The following TDRD1 variants were observed in gnomAD, a reference collection of about 807,000 sequenced individuals.
TDRD1 encodes tudor domain-containing protein 1.
Under a neutral mutation model 140.6 loss-of-function variants are expected in TDRD1, and 37 were observed. The observed-to-expected ratio is 0.26, with a 90% CI of 0.20 to 0.35. The LOEUF (loss-of-function observed/expected upper bound fraction) is 0.35, where lower values mean the gene tolerates loss of function less well. TDRD1 is among the 10% of genes least tolerant of loss of function. The pLI is 1.00. For synonymous variants in TDRD1, 506 were observed against 475.7 expected, an observed-to-expected ratio of 1.06 and a Z score of -0.83; for missense variants, 1,243 against 1,393.0, an observed-to-expected ratio of 0.89 and a Z score of 1.71.
At chr10:114,201,919 G>T (rs936517092) in intron 5 of TDRD1, among the ~76,000 whole-genome samples, 2 of 152,182 alleles carry the variant, frequency 1.3e-5, no homozygotes, top group Non-Finnish European at 2.9e-5. Context: ...TCAAAATTCT[G>T]TGTAAGTAAT....
At chr10:114,207,750 G>A (rs936264745) in intron 11 of TDRD1, among the ~76,000 whole-genome samples, 1 of 152,068 alleles carries the variant, frequency 6.6e-6, no homozygotes, top group Non-Finnish European at 1.5e-5. Context: ...CAGAGCAACA[G>A]AGGGTACATG....
chr10:114,210,491 A>G, intron 11 of TDRD1, 90 bp from the exon 12 acceptor site: 1 of 1,305,218 alleles, frequency 7.7e-7, no homozygotes. Flanking sequence ...TCATAGTCAT[A>G]TTCGTTTTAA....
chr10:114,204,279 G>A (rs779019494), intron 9 of TDRD1, 63 bp downstream of exon 9: 24 of 1,498,644 alleles, frequency 1.6e-5, no homozygotes, highest in African/African-American at 5.7e-5. Flanking sequence ...TCAATGTTTT[G>A]ATGGGCACAG....
At chr10:114,225,963 A>G in intron 21 of TDRD1, 86 bp from the exon 22 acceptor site, 1 of 1,137,272 alleles carries the variant, frequency 8.8e-7, no homozygotes, top group African/African-American at 1.5e-5. Context: ...TTTTTAAGTG[A>G]TGTAAATATA....
upstream of TDRD1, among the ~76,000 whole-genome samples, chr10:114,175,927 C>T (rs2032685222): frequency 6.6e-6 from 1 of 152,120 alleles, no homozygotes; most frequent in Admixed American, 6.5e-5. Flanking sequence ...TTCATCCTAC[C>T]TTTCCTGTTG....
At chr10:114,227,247 A>G (rs749524652) in exon 23 of TDRD1, 13 of 1,614,088 alleles carry the variant, frequency 8.1e-6, no homozygotes, top group Admixed American at 1.7e-5. Flanking sequence ...AGCTAGTGAC[A>G]TTTGGTCTGG....
intron 4 of TDRD1, 118 bp downstream of exon 4, chr10:114,199,435 C>G: frequency 7.9e-7 from 1 of 1,264,008 alleles, no homozygotes; most frequent in Non-Finnish European, 1.1e-6. Context: ...TGCCACACAC[C>G]CGTCTCAGCC....
intron 3 of TDRD1, among the ~76,000 whole-genome samples, chr10:114,198,315 C>T (rs887749623): frequency 1.1e-4 from 16 of 152,174 alleles, no homozygotes; most frequent in Middle Eastern, 3.2e-3. Context: ...CCACCTTGGT[C>T]GGGGTGGTGG....
At chr10:114,186,367 C>T (rs2033524716) in intron 1 of TDRD1, among the ~76,000 whole-genome samples, 3 of 151,964 alleles carry the variant, frequency 2.0e-5, no homozygotes, top group African/African-American at 7.3e-5. Flanking sequence ...GAGTTCATGC[C>T]ATTCTCCTGC....
intron 1 of TDRD1, among the ~76,000 whole-genome samples, chr10:114,180,520 C>T (rs922487389): frequency 1.3e-5 from 2 of 152,162 alleles, no homozygotes; most frequent in Non-Finnish European, 2.9e-5. Flanking sequence ...GGCTGGAGTG[C>T]AATGGCGCGA....
chr10:114,214,286 AGCC>A (rs2035671018), intron 16 of TDRD1, among the ~76,000 whole-genome samples, 172 bp downstream of exon 16: 1 of 152,232 alleles, frequency 6.6e-6, no homozygotes, highest in Non-Finnish European at 1.5e-5. Context: ...TTCTCTTTTA[AGCC>A]ATTATTTCTA....
chr10:114,232,624 A>T (rs1309976152), downstream of TDRD1, among the ~76,000 whole-genome samples: 2 of 151,534 alleles, frequency 1.3e-5, no homozygotes, highest in African/African-American at 4.9e-5. Flanking sequence ...TGTTAGATAA[A>T]AGCTCACGCT....
At chr10:114,231,734 A>G (rs530044999) in exon 26 of TDRD1, 21 of 506,230 alleles carry the variant, frequency 4.1e-5, no homozygotes, top group African/African-American at 2.6e-4. Context: ...CAAATCAATG[A>G]GAATACTGGC....
chr10:114,185,800 G>A (rs2033472570), intron 1 of TDRD1, among the ~76,000 whole-genome samples: 1 of 151,502 alleles, frequency 6.6e-6, no homozygotes, highest in African/African-American at 2.4e-5. Context: ...TGTTGTCCAG[G>A]CTGGTCTCGA....
At chr10:114,210,467 C>A in intron 11 of TDRD1, 114 bp from the exon 12 acceptor site, 1 of 1,064,848 alleles carries the variant, frequency 9.4e-7, no homozygotes, top group Non-Finnish European at 1.3e-6. Context: ...TGCCATCTTC[C>A]AGGAACCTTG....
At chr10:114,189,723 C>T (rs538287259) in intron 2 of TDRD1, among the ~76,000 whole-genome samples, 1 of 152,332 alleles carries the variant, frequency 6.6e-6, no homozygotes, top group South Asian at 2.1e-4. Flanking sequence ...TCCCAAAACC[C>T]TGGGATTACG....
exon 15 of TDRD1, chr10:114,213,392 C>T (rs185896232): frequency 2.5e-6 from 4 of 1,613,828 alleles, no homozygotes; most frequent in Non-Finnish European, 3.4e-6. Context: ...CTATTTGTCT[C>T]ATGAAAAAAC....
intron 21 of TDRD1, among the ~76,000 whole-genome samples, chr10:114,223,030 A>G (rs562782072): frequency 2.0e-5 from 3 of 152,366 alleles, no homozygotes; most frequent in African/African-American, 7.2e-5. Flanking sequence ...ATAGGGTTCC[A>G]TATGTGAATG....
chr10:114,190,277 AT>A (rs1278258461), intron 2 of TDRD1, among the ~76,000 whole-genome samples: 1 of 152,234 alleles, frequency 6.6e-6, no homozygotes, highest in Non-Finnish European at 1.5e-5. Flanking sequence ...TTATTTTTAA[AT>A]GGATGTTTAA....
Sources: gnomAD v4.1 joint callset for allele counts (sites outside exome capture counted in the v4.1 genomes callset) on GRCh38, gnomAD v4.1.1 for gene constraint, MANE v1.5 for transcripts, NCBI Gene and HGNC (gene_info 2026-07-23, HGNC 2026-07-21) for gene names.